The following USP53 variants were observed in gnomAD, a reference collection of about 807,000 sequenced individuals.
USP53 encodes the protein ubiquitin carboxyl-terminal hydrolase 53.
A neutral mutation model predicts 94.9 loss-of-function variants in USP53; 71 were observed. The observed-to-expected ratio is 0.75, with a 90% confidence interval of 0.62 to 0.91. USP53 has a LOEUF of 0.91. USP53 is among the 40% of genes least tolerant of loss of function. The probability of loss-of-function intolerance (pLI) is 0.00; values close to 1 mark genes in which losing one functional copy is unlikely to be tolerated. For missense variants in USP53, 1,173 were observed against 1,281.0 expected, an observed-to-expected ratio of 0.92 and a Z score of 1.29; for synonymous variants, 375 against 422.7, an observed-to-expected ratio of 0.89 and a Z score of 1.39.
At chr4:119,274,275 G>C (rs1752289267) in intron 17 of USP53, among the ~76,000 whole-genome samples, 1 of 124,330 alleles carries the variant, frequency 8.0e-6, no homozygotes, top group East Asian at 2.4e-4. Context: ...AGTCCCCAGA[G>C]TGTGATATTC....
chr4:119,243,086 C>A (rs1308740395), intron 5 of USP53, among the ~76,000 whole-genome samples: 1 of 152,092 alleles, frequency 6.6e-6, no homozygotes, highest in East Asian at 1.9e-4. Flanking sequence ...TGTTAGGCAC[C>A]ATTTAAATTG....
intron 17 of USP53, among the ~76,000 whole-genome samples, chr4:119,278,414 T>C (rs1475818280): frequency 6.8e-6 from 1 of 146,686 alleles, no homozygotes; most frequent in African/African-American, 2.5e-5. Context: ...TCTTTAAGAA[T>C]GTTGAATATT....
At chr4:119,269,655 T>C in intron 14 of USP53, 36 bp from the exon 15 acceptor site, 2 of 1,305,426 alleles carry the variant, frequency 1.5e-6, no homozygotes, top group Non-Finnish European at 2.0e-6. Flanking sequence ...ATTTGAAAAA[T>C]GATCTGTATC....
In USP53 at chr4:119,265,670, AAAC is replaced by A. The variant is rs56113456; in HGVS notation, c.973-1623_973-1621del. Among the ~76,000 whole-genome samples the A allele has an allele frequency of 8.6e-3, 1,290 of 150,520 alleles. 8 individuals are homozygous for A. Among genetic ancestry groups the A allele is most frequent in the Middle Eastern group, 0.02 (6 of 294 alleles). Reference sequence around the variant, plus strand: ...TGGGCGACTGTGAGACCTTTTCTCAAAACAACAACAACAACAACAACAACAACA... The same window carrying A: ...TGGGCGACTGTGAGACCTTTTCTCAAAACAACAACAACAACAACAACAACA... On this transcript the variant is annotated intron_variant, in intron 12 of 18. Transcript: ENST00000692078.
At chr4:119,231,475 C>G (rs1476750945) in intron 3 of USP53, among the ~76,000 whole-genome samples, 1 of 152,070 alleles carries the variant, frequency 6.6e-6, no homozygotes, top group Non-Finnish European at 1.5e-5. Context: ...GGTACCTCTT[C>G]CCTTTTATCC....
Position 119,271,995 on chromosome 4 carries a change from T to C in USP53, c.2135T>C (p.Val712Ala), listed in dbSNP as rs779499605. 5 of 1,609,096 alleles carry C rather than the reference T, an allele frequency of 3.1e-6. No homozygotes were observed. In the African/African-American group the frequency reaches 4.0e-5, roughly 13 times the overall value. ...CCTGTTATCGATGGAAATGGTACAG[T>C]AATGGATATCAGTGGTGTTAAAGAA... ...DSPVIDGNGT[V>A]MDISGVKETV... is the part of the protein sequence containing the mutation. The change falls in exon 16 of 19, where the codon GTA becomes GCA. Residue 712 changes from valine (V) to alanine (A), a missense_variant. By Grantham distance (64) the Val-to-Ala change is moderately conservative (BLOSUM62 0). Coordinates refer to ENST00000692078, the MANE Select transcript of USP53 (RefSeq NM_001371395.1).
chr4:119,251,643 C>T (rs535231116), intron 7 of USP53, among the ~76,000 whole-genome samples: 10 of 152,276 alleles, frequency 6.6e-5, no homozygotes, highest in African/African-American at 1.7e-4. Flanking sequence ...AATTTGACTT[C>T]GTCTCTTCCA....
Position 119,293,175 on chromosome 4 carries a change from A to G in USP53, c.3186A>G (p.Pro1062=). The part of the protein sequence containing the change: ...KYHQRPKLSF[P]ESSGFCNNSL... ...ATCAGAGGCCCAAGCTCTCTTTTCCAGAGAGCAGTGGCTTTTGTAATAATT... is the reference window on the plus strand; with the variant it reads ...ATCAGAGGCCCAAGCTCTCTTTTCCGGAGAGCAGTGGCTTTTGTAATAATT... Residue 1062 remains proline (P), a synonymous_variant, in exon 19 of 19, where the codon CCA becomes CCG. Transcript: ENST00000692078. 2 of 1,609,920 alleles carry G rather than the reference A, an allele frequency of 1.2e-6. No individual in the cohort carries two copies. The highest frequency in any genetic ancestry group is 8.5e-7 in the Non-Finnish European group (1 of 1,179,480).
chr4:119,226,629 A>T (rs1232884594), intron 3 of USP53, among the ~76,000 whole-genome samples: 2 of 152,194 alleles, frequency 1.3e-5, no homozygotes, highest in African/African-American at 2.4e-5. Flanking sequence ...ATGTAGAAAG[A>T]CATAATATTC....
chr4:119,270,784 G>T (rs1430221549), intron 15 of USP53, among the ~76,000 whole-genome samples: 2 of 152,000 alleles, frequency 1.3e-5, no homozygotes, highest in African/African-American at 4.8e-5. Context: ...ACCTTTATAC[G>T]TTTTTGCCTA....
At chr4:119,244,139 T>A (rs1747911058) in intron 5 of USP53, among the ~76,000 whole-genome samples, 1 of 152,240 alleles carries the variant, frequency 6.6e-6, no homozygotes, top group Non-Finnish European at 1.5e-5. Flanking sequence ...ATTAATCATC[T>A]TCTTTCTTGG....
At chr4:119,272,672 G>A (rs1404121217) in intron 16 of USP53, 1 of 152,330 alleles carries the variant, frequency 6.6e-6, no homozygotes, top group East Asian at 1.9e-4. Context: ...AAAGTGCTGG[G>A]ATTACAGGCC....
chr4:119,283,393 TA>T (rs1753726960), intron 17 of USP53, among the ~76,000 whole-genome samples: 1 of 151,966 alleles, frequency 6.6e-6, no homozygotes, highest in Non-Finnish European at 1.5e-5. Context: ...AAATTTGTGC[TA>T]TTTTTTAATC....
chr4:119,268,423 A>G lies in USP53; in HGVS notation c.1288+3A>G, dbSNP rs1481798686. ...CACAGGTGTAGGGAAAGGACCAGGT[A>G]TGTGTTTAAATTGTCATTTTTACAT... is the stretch of plus-strand genomic sequence containing the variant. On this transcript the variant is annotated splice_donor_region_variant and intron_variant, in intron 14 of 18. Transcript: ENST00000692078. The G allele has an allele frequency of 2.5e-6, 4 of 1,600,740 alleles. No homozygotes were observed. The highest frequency in any genetic ancestry group is 2.7e-5 in the African/African-American group (2 of 74,014).
chr4:119,238,634 T>G (rs1464168708), intron 4 of USP53, among the ~76,000 whole-genome samples: 1 of 152,206 alleles, frequency 6.6e-6, no homozygotes, highest in Non-Finnish European at 1.5e-5. Context: ...ACACCTTCAG[T>G]TTGTTAAAAA....
chr4:119,262,071 C>T (rs1442487096), intron 12 of USP53, among the ~76,000 whole-genome samples: 1 of 151,990 alleles, frequency 6.6e-6, no homozygotes, highest in Non-Finnish European at 1.5e-5. Flanking sequence ...TAAACCAGTC[C>T]ATTTCCAGAA....
At chr4:119,278,889 A>G (rs6812039) in intron 17 of USP53, among the ~76,000 whole-genome samples, 3,871 of 38,010 alleles carry the variant, frequency 0.1, 149 homozygotes, top group Middle Eastern at 0.3. Flanking sequence ...CCAGTTGATC[A>G]CATCGGCTCC....
intron 3 of USP53, among the ~76,000 whole-genome samples, chr4:119,221,976 A>G (rs1409539361): frequency 3.3e-5 from 5 of 152,192 alleles, no homozygotes; most frequent in Non-Finnish European, 2.9e-5. Context: ...GCCACCCTGA[A>G]GAAGCAAACA....
At chr4:119,240,982 C>A (rs1747451267) in intron 5 of USP53, among the ~76,000 whole-genome samples, 1 of 152,070 alleles carries the variant, frequency 6.6e-6, no homozygotes, top group Non-Finnish European at 1.5e-5. Flanking sequence ...ATATTAGATA[C>A]CAAAAGACCT....
Sources: gnomAD v4.1 joint callset for allele counts (sites outside exome capture counted in the v4.1 genomes callset) on GRCh38, gnomAD v4.1.1 for gene constraint, MANE v1.5 for transcripts, NCBI Gene and HGNC (gene_info 2026-07-23, HGNC 2026-07-21) for gene names.